The following ZPLD1 variants were observed in gnomAD, a reference collection of about 807,000 sequenced individuals.
ZPLD1 encodes the protein zona pellucida like domain containing 1, also known as zona pellucida-like domain-containing protein 1.
In ZPLD1, 34 loss-of-function variants were observed where a neutral mutation model predicts 47.2. The observed-to-expected ratio is 0.72, with a 90% CI of 0.55 to 0.96. The LOEUF is 0.96. Ranked by LOEUF, ZPLD1 falls within the 40% of genes least tolerant of loss-of-function variation. The pLI is 0.00. For synonymous variants in ZPLD1, 176 were observed against 186.2 expected (o/e 0.95, Z 0.45); for missense variants, 512 against 505.8 (o/e 1.01, Z -0.12).
intron 8 of ZPLD1, among the ~76,000 whole-genome samples, chr3:102,427,900 A>G (rs1706968705): frequency 6.6e-6 from 1 of 152,138 alleles, no homozygotes; most frequent in African/African-American, 2.4e-5. Flanking sequence ...AAAAACTTTC[A>G]CTACCCCTAG....
intron 3 of ZPLD1, among the ~76,000 whole-genome samples, chr3:102,448,296 C>G (rs1303480625): frequency 6.6e-6 from 1 of 152,134 alleles, no homozygotes; most frequent in Non-Finnish European, 1.5e-5. Context: ...GATATCTACT[C>G]ATTAGGTTGT....
In ZPLD1 at chr3:102,464,375, A is replaced by T. The variant is rs903278477; in HGVS notation, c.761+124A>T. On this transcript the variant is annotated intron_variant, in intron 8 of 11. Transcript: ENST00000466937. ...ATAGCTTTTGAATTTCAAGTTTTAC[A>T]TTTTGAACTTTGAGTCCTTATAAAG... 9.9e-5 allele frequency: 65 copies of T among 659,504 alleles called. 1 individual carries two copies. The highest frequency in any genetic ancestry group is 3.8e-4 in the Admixed American group (12 of 31,254). 40.9% of individuals were successfully genotyped at this position (659,504 alleles called of 1,614,324 possible).
In ZPLD1 at chr3:102,478,672, T is replaced by A. The variant is rs1707795594; in HGVS notation, c.*1054T>A. 1 of 152,166 alleles carries A rather than the reference T, an allele frequency of 6.6e-6. No individual in the cohort carries two copies. The highest frequency in any genetic ancestry group is 2.4e-5 in the African/African-American group (1 of 41,430). The allele number at this position is 152,166 out of a possible 1,614,324, so 9.4% of individuals were successfully genotyped here. On this transcript the variant is annotated 3_prime_UTR_variant, in exon 12 of 12. Transcript: ENST00000466937. ...AGGTATCTTCTTGTAGGTGTCATAA[T>A]TGCCATGAATAAACAATATTTTCCT... is the stretch of plus-strand genomic sequence containing the variant.
rs73148406 is a variant in ZPLD1, at chr3:102,441,844, G to A, written c.106+3251G>A. Among the ~76,000 whole-genome samples, 1,066 of 152,220 alleles carry A rather than the reference G, an allele frequency of 7.0e-3. 5 individuals carry two copies. The highest frequency in any genetic ancestry group is 0.012 in the Non-Finnish European group (822 of 68,000). On this transcript the variant is annotated intron_variant, in intron 3 of 11. Transcript: ENST00000466937. Reference sequence around the variant, plus strand: ...ATCCTCACTTTACCTGGTAAGTAGGGTGACCATCTGTGTTAGCTGATTTGT... The same window carrying A: ...ATCCTCACTTTACCTGGTAAGTAGGATGACCATCTGTGTTAGCTGATTTGT...
chr3:102,443,834 C>G (rs1034046386), intron 3 of ZPLD1, among the ~76,000 whole-genome samples: 11 of 152,272 alleles, frequency 7.2e-5, no homozygotes, highest in African/African-American at 2.6e-4. Flanking sequence ...GGAATATGTT[C>G]TGGTTCTCTG....
chr3:102,459,470 G>A (rs1359167185), intron 6 of ZPLD1, among the ~76,000 whole-genome samples: 1 of 152,118 alleles, frequency 6.6e-6, no homozygotes, highest in African/African-American at 2.4e-5. Flanking sequence ...GTGGATTTCA[G>A]GAAGGCTTTG....
At position 102,462,375 on chromosome 3, in the gene ZPLD1, G is replaced by A. The variant is rs150699636; in HGVS notation, c.677G>A (p.Gly226Asp). 3.7e-6 allele frequency: 6 copies of A among 1,604,456 alleles called. No homozygotes were observed. The African/African-American group carries it at 6.7e-5, about 18-fold the overall frequency. Reference sequence around the variant, plus strand: ...GCTGTCCAAGCCACTAATTTGGATGGCAGGTAATTTCAAACTCTTGTCTTT... The same window carrying A: ...GCTGTCCAAGCCACTAATTTGGATGACAGGTAATTTCAAACTCTTGTCTTT... ...FAAVQATNLD[G>D]RWNVLMDYCY... The change falls in exon 7 of 12, where the codon GGC becomes GAC. Residue 226 changes from glycine to aspartate, a missense_variant. By Grantham distance (94) the Gly-to-Asp change is moderately conservative. Coordinates refer to ENST00000466937, the MANE Select transcript of ZPLD1 (RefSeq NM_001329788.2).
chr3:102,425,674 C>T (rs964293420), intron 8 of ZPLD1, among the ~76,000 whole-genome samples: 1 of 152,198 alleles, frequency 6.6e-6, no homozygotes, highest in East Asian at 1.9e-4. Context: ...TTATGTCTTA[C>T]ATCCCCAACT....
chr3:102,428,102 A>G (rs1706971601), intron 8 of ZPLD1, among the ~76,000 whole-genome samples: 2 of 152,194 alleles, frequency 1.3e-5, no homozygotes, highest in South Asian at 4.1e-4. Flanking sequence ...AGAAAAAAAG[A>G]GGGAAGTGCA....
At chr3:102,390,551 T>G (rs1706483652) in intron 6 of ZPLD1, among the ~76,000 whole-genome samples, 1 of 152,224 alleles carries the variant, frequency 6.6e-6, no homozygotes, top group Admixed American at 6.5e-5. Flanking sequence ...CCCTATCAAT[T>G]CAACATGATG....
At chr3:102,426,348 T>A (rs189661785) in intron 8 of ZPLD1, among the ~76,000 whole-genome samples, 1 of 152,114 alleles carries the variant, frequency 6.6e-6, no homozygotes, top group East Asian at 1.9e-4. Flanking sequence ...TGAAACCCTG[T>A]CTCTACTAAA....
Position 102,388,562 on chromosome 3 carries a change from C to A in ZPLD1, c.-213+3245C>A, listed in dbSNP as rs116435717. On this transcript the variant is annotated intron_variant, in intron 6 of 17. Coordinates refer to the ZPLD1 transcript ENST00000491959. ...TTATTTTAATGTTCTCCTCTACTCC[C>A]TAAATTATGTCAGTTTCCTCCGGAA... Among the ~76,000 whole-genome samples the A allele has an allele frequency of 6.4e-3, 967 of 151,980 alleles. 4 individuals are homozygous for A. Among genetic ancestry groups the A allele is most frequent in the Non-Finnish European group, 0.01 (689 of 67,966 alleles).
At chr3:102,447,734 A>G (rs1707280068) in intron 3 of ZPLD1, among the ~76,000 whole-genome samples, 1 of 152,234 alleles carries the variant, frequency 6.6e-6, no homozygotes, top group Admixed American at 6.5e-5. Flanking sequence ...TAAGGTCAGT[A>G]TAAAATTGTT....
chr3:102,455,120 A>T (rs1475253252), intron 4 of ZPLD1, among the ~76,000 whole-genome samples: 1 of 152,244 alleles, frequency 6.6e-6, no homozygotes, highest in Non-Finnish European at 1.5e-5. Flanking sequence ...TTTATCAATT[A>T]ACTAGATAAT....
At chr3:102,429,495 A>T (rs1366032578) in intron 8 of ZPLD1, among the ~76,000 whole-genome samples, 7 of 151,880 alleles carry the variant, frequency 4.6e-5, no homozygotes, top group Non-Finnish European at 1.0e-4. Context: ...CATCCTTTTC[A>T]CTTAGTTGTA....
chr3:102,450,405 T>G (rs779219489), intron 3 of ZPLD1, among the ~76,000 whole-genome samples: 2 of 152,168 alleles, frequency 1.3e-5, no homozygotes, highest in Non-Finnish European at 2.9e-5. Flanking sequence ...TGTAGGCAAT[T>G]CCACCCCAGG....
intron 8 of ZPLD1, among the ~76,000 whole-genome samples, chr3:102,467,382 A>G (rs180998680): frequency 1.5e-4 from 23 of 152,254 alleles, no homozygotes; most frequent in African/African-American, 4.6e-4. Context: ...TAAGCCGGGA[A>G]TCAACATGGA....
At chr3:102,414,409 G>A (rs141565960) in intron 7 of ZPLD1, among the ~76,000 whole-genome samples, 59 of 151,860 alleles carry the variant, frequency 3.9e-4, no homozygotes, top group African/African-American at 1.4e-3. Flanking sequence ...TGCTTTTATT[G>A]TCAAATAGGA....
chr3:102,437,799 T>G (rs1707113611), intron 2 of ZPLD1, among the ~76,000 whole-genome samples: 1 of 152,244 alleles, frequency 6.6e-6, no homozygotes, highest in African/African-American at 2.4e-5. Flanking sequence ...AACGTTTTCT[T>G]ATGTCTGTAT....
Sources: gnomAD v4.1 joint callset for allele counts (sites outside exome capture counted in the v4.1 genomes callset) on GRCh38, gnomAD v4.1.1 for gene constraint, MANE v1.5 for transcripts, NCBI Gene and HGNC (gene_info 2026-07-23, HGNC 2026-07-21) for gene names.